PCDHGA10: variants seen among roughly 807,000 people sequenced by gnomAD.
The protein encoded by PCDHGA10 is protocadherin gamma-A10.
PCDHGA10 carries 42 observed loss-of-function variants against 59.5 expected under a neutral mutation model. The observed-to-expected ratio is 0.71, with a 90% CI of 0.55 to 0.91. The LOEUF is 0.91. Among genes scored for constraint, PCDHGA10 ranks in the 40% least tolerant of loss-of-function variants. PCDHGA10 has a pLI of 0.00. For missense variants in PCDHGA10, 1,111 were observed against 1,198.2 expected, an observed-to-expected ratio of 0.93 and a Z score of 1.07; for synonymous variants, 511 against 517.2, an observed-to-expected ratio of 0.99 and a Z score of 0.16.
In PCDHGA10 at chr5:141,431,430, G is replaced by A; in HGVS notation, c.2436+15819G>A. ...GACGGGGGCGACCCGGTGCGCACAG[G>A]CACCGCGCGCATCCGCGTGATGGTT... is the stretch of plus-strand genomic sequence containing the variant. On this transcript the variant is annotated intron_variant, in intron 1 of 3. Coordinates refer to ENST00000398610, the MANE Select transcript of PCDHGA10 (RefSeq NM_018913.3). The surrounding 1 kb of genome is among the most constrained non-coding windows in gnomAD (Gnocchi z 4.8). 1 of 1,613,680 alleles carries A rather than the reference G, an allele frequency of 6.2e-7. No individual in the cohort carries two copies. The highest frequency in any genetic ancestry group is 8.5e-7 in the Non-Finnish European group (1 of 1,180,018).
intron 3 of PCDHGA10, among the ~76,000 whole-genome samples, chr5:141,506,032 G>A (rs994735467): frequency 5.9e-5 from 9 of 152,166 alleles, no homozygotes; most frequent in Non-Finnish European, 1.0e-4. Context: ...TCCAGAGTAG[G>A]ATTCTGGTTT....
Position 141,415,176 on chromosome 5 carries a change from C to T in PCDHGA10, c.2001C>T (p.Ala667=). Residue 667 remains alanine (A), a synonymous_variant, in exon 1 of 4, where the codon GCC becomes GCT. Transcript: ENST00000398610. ...PLSATVTLTV[A]VADSIPQVLA... ...CCGCCACTGTCACGCTCACCGTGGC[C>T]GTGGCCGACAGCATCCCCCAAGTCC... 6.2e-7 allele frequency: 1 copy of T among 1,613,934 alleles called. No individual in the cohort carries two copies. Among genetic ancestry groups the T allele is most frequent in the Non-Finnish European group, 8.5e-7 (1 of 1,180,028 alleles).
At chr5:141,448,316 T>G (rs1042171540) in intron 1 of PCDHGA10, among the ~76,000 whole-genome samples, 2 of 152,174 alleles carry the variant, frequency 1.3e-5, no homozygotes, top group Admixed American at 1.3e-4. Context: ...AGGAATCTTT[T>G]CTTTGAATCT....
In PCDHGA10 at chr5:141,486,645, C is replaced by G. The variant is rs369948556; in HGVS notation, c.2437-8162C>G. ...GACTCTGGCTTGAATGCGCTTATCT[C>G]CTACTCACTCCTGGAGCCCAGGAAT... On this transcript the variant is annotated intron_variant, in intron 1 of 3. Coordinates refer to ENST00000398610, the MANE Select transcript of PCDHGA10 (RefSeq NM_018913.3). The surrounding 1 kb of genome is among the most constrained non-coding windows in gnomAD (Gnocchi z 5.0). 4.3e-6 allele frequency: 7 copies of G among 1,613,752 alleles called. No individual in the cohort carries two copies. The Admixed American group carries it at 6.7e-5, about 15-fold the overall frequency.
chr5:141,461,639 C>T (rs1041604977), intron 1 of PCDHGA10, among the ~76,000 whole-genome samples: 12 of 152,088 alleles, frequency 7.9e-5, no homozygotes, highest in Non-Finnish European at 1.6e-4. Flanking sequence ...GCAATTTCTT[C>T]TTTGACCCAT....
chr5:141,426,958 C>A (rs1176636556), intron 1 of PCDHGA10: 1 of 456,728 alleles, frequency 2.2e-6, no homozygotes, highest in South Asian at 1.5e-5. Context: ...GGCACTGCTG[C>A]AATTCAAATT....
chr5:141,420,188 A>G (rs775537913), intron 1 of PCDHGA10: 1 of 1,613,848 alleles, frequency 6.2e-7, no homozygotes, highest in South Asian at 1.1e-5. Context: ...TTGTCCAGCC[A>G]CACAAGATAA....
intron 1 of PCDHGA10, chr5:141,478,628 T>G (rs1245431927): frequency 6.4e-7 from 1 of 1,553,704 alleles, no homozygotes; most frequent in African/African-American, 1.4e-5. Context: ...GAGCTGTTTT[T>G]TTAGTGATGA....
Position 141,477,531 on chromosome 5 carries a change from C to G in PCDHGA10, c.2437-17276C>G. ...GTTTACATTGAAGAAAACAACCTCC[C>G]CGGGGCTCCAATACTAAACCTAAGT... On this transcript the variant is annotated intron_variant, in intron 1 of 3. Coordinates refer to ENST00000398610, the MANE Select transcript of PCDHGA10 (RefSeq NM_018913.3). This position sits in a 1 kb window ranked among gnomAD's most constrained non-coding sequence, Gnocchi z 4.9. The G allele has an allele frequency of 6.2e-7, 1 of 1,614,162 alleles. No homozygotes were observed. Among genetic ancestry groups the G allele is most frequent in the South Asian group, 1.1e-5 (1 of 91,086 alleles).
At chr5:141,478,487 A>G (rs1593917832) in intron 1 of PCDHGA10, 1 of 1,613,454 alleles carries the variant, frequency 6.2e-7, no homozygotes, top group South Asian at 1.1e-5. Flanking sequence ...CACGCTGCGG[A>G]GCTGTGATCC....
chr5:141,510,949 G>C lies in PCDHGA10; in HGVS notation c.2587G>C (p.Ala863Pro), dbSNP rs762789865. The C allele has an allele frequency of 2.2e-5, 36 of 1,614,012 alleles. No homozygotes were observed. The highest frequency in any genetic ancestry group is 3.0e-5 in the Non-Finnish European group (35 of 1,180,020). ...CTGATCTTCCTCTGTCTCTGCAGAA[G>C]CTGCTGATGGGAGCTCCACCCTGGG... ...QAMILASASE[A>P]ADGSSTLGGG... is the part of the protein sequence containing the mutation. The change falls in exon 4 of 4, where the codon GCT (alanine) becomes CCT (proline). Residue 863 changes from alanine (A) to proline (P), a missense_variant and splice_region_variant. Coordinates refer to ENST00000398610, the MANE Select transcript of PCDHGA10 (RefSeq NM_018913.3).
intron 1 of PCDHGA10, among the ~76,000 whole-genome samples, chr5:141,434,409 T>G (rs2097692930): frequency 6.6e-6 from 1 of 152,232 alleles, no homozygotes; most frequent in South Asian, 2.1e-4. Context: ...TCTGCAGCAC[T>G]GTGACATGTT....
intron 1 of PCDHGA10, among the ~76,000 whole-genome samples, chr5:141,482,447 T>C (rs2099560010): frequency 6.7e-6 from 1 of 149,882 alleles, no homozygotes; most frequent in East Asian, 1.9e-4. Flanking sequence ...ATTCACCATT[T>C]ATTAGCATCC....
At chr5:141,421,069 AGATG>A in intron 1 of PCDHGA10, 1 of 598,532 alleles carries the variant, frequency 1.7e-6, no homozygotes, top group Non-Finnish European at 2.8e-6. Context: ...AAGCGGAATG[AGATG>A]GATACTCACA....
intron 3 of PCDHGA10, chr5:141,507,291 T>A (rs956764262): frequency 3.4e-5 from 5 of 147,704 alleles, no homozygotes; most frequent in African/African-American, 5.1e-5. Flanking sequence ...CAGTCTCAAA[T>A]GTTGCATGAG....
In PCDHGA10 at chr5:141,423,130, G is replaced by A. The variant is rs770258338; in HGVS notation, c.2436+7519G>A. On this transcript the variant is annotated intron_variant, in intron 1 of 3. Coordinates refer to ENST00000398610, the MANE Select transcript of PCDHGA10 (RefSeq NM_018913.3). The stretch of plus-strand genomic sequence containing the variant: ...GGTGCGTACAGCGCGGGCACTGCTG[G>A]ACAGAGACGCGCTCAAGCAGAGCCT... The A allele has an allele frequency of 9.3e-6, 15 of 1,613,582 alleles. No individual in the cohort carries two copies. Among genetic ancestry groups the A allele is most frequent in the Middle Eastern group, 1.6e-4 (1 of 6,072 alleles).
chr5:141,508,507 TGGTCCAGCCCAACCTCAG>T (rs1377043623), intron 3 of PCDHGA10, among the ~76,000 whole-genome samples: 1 of 152,178 alleles, frequency 6.6e-6, no homozygotes, highest in Non-Finnish European at 1.5e-5. Flanking sequence ...CTCTCCCTCC[TGGTCCAGCCCAACCTCAG>T]GGCACCCCCC....
chr5:141,487,485 G>A lies in PCDHGA10; in HGVS notation c.2437-7322G>A. On this transcript the variant is annotated intron_variant, in intron 1 of 3. Transcript: ENST00000398610. The surrounding 1 kb of genome is among the most constrained non-coding windows in gnomAD (Gnocchi z 5.0). ...GTTGATGTGGGAGGCCACTCTCATG[G>A]CTGTACACCCTTGGCTTCTGCACCC... The A allele has an allele frequency of 6.2e-7, 1 of 1,614,164 alleles. No homozygotes were observed. Among genetic ancestry groups the A allele is most frequent in the Non-Finnish European group, 8.5e-7 (1 of 1,180,030 alleles).
Position 141,431,581 on chromosome 5 carries a change from T to A in PCDHGA10, c.2436+15970T>A, listed in dbSNP as rs749863807. Reference sequence around the variant, plus strand: ...CTACCGACCCTGACGAAGGAGTCAATGCGGAAGTGAGGTATTCCTTCCGGT... The same window carrying A: ...CTACCGACCCTGACGAAGGAGTCAAAGCGGAAGTGAGGTATTCCTTCCGGT... On this transcript the variant is annotated intron_variant, in intron 1 of 3. Coordinates refer to ENST00000398610, the MANE Select transcript of PCDHGA10 (RefSeq NM_018913.3). This position sits in a 1 kb window ranked among gnomAD's most constrained non-coding sequence, Gnocchi z 4.8. 3.1e-6 allele frequency: 5 copies of A among 1,614,160 alleles called. No individual in the cohort carries two copies. In the South Asian group the frequency reaches 5.5e-5, roughly 18 times the overall value.
Sources: allele counts gnomAD v4.1 joint callset (sites outside exome capture counted in the v4.1 genomes callset), GRCh38; gene constraint gnomAD v4.1.1; non-coding constraint Gnocchi (gnomAD v3.1); transcripts MANE v1.5; gene names NCBI Gene and HGNC (gene_info 2026-07-23, HGNC 2026-07-21).